The following POMT2 variants were observed in gnomAD, a reference collection of about 807,000 sequenced individuals.
POMT2 encodes protein O-mannosyltransferase 2.
Under a neutral mutation model 100.0 loss-of-function variants are expected in POMT2, and 75 were observed. That is an observed-to-expected ratio of 0.75 (90% CI 0.62 to 0.91). POMT2 has a LOEUF of 0.91. POMT2 is among the 40% of genes least tolerant of loss of function. The probability of loss-of-function intolerance (pLI) is 0.00; values close to 1 mark genes in which losing one functional copy is unlikely to be tolerated. For synonymous variants in POMT2, 378 were observed against 374.1 expected, an observed-to-expected ratio of 1.01 and a Z score of -0.12; for missense variants, 940 against 955.1, an observed-to-expected ratio of 0.98 and a Z score of 0.21.
Position 77,276,142 on chromosome 14 carries a change from G to T in POMT2, c.*1234C>A, listed in dbSNP as rs371339243. On this transcript the variant is annotated 3_prime_UTR_variant, in exon 21 of 21. Coordinates refer to ENST00000261534, the MANE Select transcript of POMT2 (RefSeq NM_013382.7). Reference sequence around the variant, plus strand: ...GAGGCAGGCTTAAGGGCTGGCCTTGGGTGGTTTGGTTCTACCACAGGGTTT... The same window carrying T: ...GAGGCAGGCTTAAGGGCTGGCCTTGTGTGGTTTGGTTCTACCACAGGGTTT... 6.6e-6 allele frequency: 1 copy of T among 152,636 alleles called. No homozygotes were observed. Among genetic ancestry groups the T allele is most frequent in the African/African-American group, 2.4e-5 (1 of 41,454 alleles). The allele number at this position is 152,636 out of a possible 1,614,324, so 9.5% of individuals were successfully genotyped here. A position where few individuals can be genotyped will look rare whatever the true frequency, so the allele number is the denominator to read the frequency against.
At position 77,306,461 on chromosome 14, in the gene POMT2, CA is replaced by C. The variant is rs1891233210; in HGVS notation, c.334-21del. 6.2e-7 allele frequency: 1 copy of C among 1,610,502 alleles called. No homozygotes were observed. The highest frequency in any genetic ancestry group is 8.5e-7 in the Non-Finnish European group (1 of 1,177,148). ...CAGCATCTGAGGAGAGAAGAACAAA[CA>C]AAAAGATGAGAAGCCTTTGGGAGAA... On this transcript the variant is annotated intron_variant, in intron 2 of 20. Transcript: ENST00000261534.
At position 77,306,419 on chromosome 14, in the gene POMT2, T is replaced by C; in HGVS notation, c.356A>G (p.Tyr119Cys). Residue 119 changes from tyrosine to cysteine, a missense_variant, in exon 3 of 21, where the codon TAC becomes TGC. Coordinates refer to ENST00000261534, the MANE Select transcript of POMT2 (RefSeq NM_013382.7). Reference sequence around the variant, plus strand: ...AAAGGTACCATCATATCCACTCAGGTAGCCAGCAAGACCTATCAGCATCTG... The same window carrying C: ...AAAGGTACCATCATATCCACTCAGGCAGCCAGCAAGACCTATCAGCATCTG... Reference protein sequence around the residue: ...LGKMLIGLAGYLSGYDGTFLF... With the variant: ...LGKMLIGLAGCLSGYDGTFLF... 1 of 1,612,836 alleles carries C rather than the reference T, an allele frequency of 6.2e-7. No homozygotes were observed. The highest frequency in any genetic ancestry group is 8.5e-7 in the Non-Finnish European group (1 of 1,178,950).
At chr14:77,279,327 T>C (rs1890113973) in intron 18 of POMT2, 1 of 367,818 alleles carries the variant, frequency 2.7e-6, no homozygotes, top group Non-Finnish European at 5.3e-6. Context: ...TCAGGTGCTG[T>C]GGCCCATGGT....
intron 9 of POMT2, among the ~76,000 whole-genome samples, chr14:77,294,632 A>G (rs1566652400): frequency 1.3e-5 from 2 of 152,214 alleles, no homozygotes; most frequent in Admixed American, 6.5e-5. Context: ...CATTTTTAAA[A>G]TGGGATTTTC....
At chr14:77,308,802 A>G (rs1241648630) in intron 2 of POMT2, 4 of 447,480 alleles carry the variant, frequency 8.9e-6, no homozygotes, top group African/African-American at 8.1e-5. Flanking sequence ...AAATGTGCAT[A>G]TTCTTCGATT....
chr14:77,303,101 T>A (rs1424885650), intron 4 of POMT2, among the ~76,000 whole-genome samples, 158 bp from the exon 5 acceptor site: 1 of 151,848 alleles, frequency 6.6e-6, no homozygotes, highest in Non-Finnish European at 1.5e-5. Context: ...ATCAGGGAGG[T>A]AGAAGGCCAC....
At chr14:77,302,002 C>T (rs950286510) in intron 5 of POMT2, among the ~76,000 whole-genome samples, 10 of 152,160 alleles carry the variant, frequency 6.6e-5, no homozygotes, top group African/African-American at 2.4e-4. Flanking sequence ...ACCTGGTACA[C>T]AGTATGTACT....
At chr14:77,299,352 C>T in intron 7 of POMT2, 103 bp downstream of exon 7, 1 of 1,005,940 alleles carries the variant, frequency 9.9e-7, no homozygotes, top group Non-Finnish European at 1.6e-6. Flanking sequence ...GGGTCCCTCA[C>T]CTATCATTTT....
At chr14:77,295,420 C>T (rs1193239760) in intron 9 of POMT2, among the ~76,000 whole-genome samples, 1 of 152,086 alleles carries the variant, frequency 6.6e-6, no homozygotes, top group Non-Finnish European at 1.5e-5. Flanking sequence ...ATCATGAGGT[C>T]AGGAGATCGA....
chr14:77,285,531 A>G lies in POMT2; in HGVS notation c.1434T>C (p.His478=). The change falls in exon 13 of 21, where the codon CAT becomes CAC. Residue 478 remains histidine, a synonymous_variant. Coordinates refer to ENST00000261534, the MANE Select transcript of POMT2 (RefSeq NM_013382.7). ...AGCCCAGGACACAACCTGTGACCAA[A>G]TGGATGAAGCGAATTCGACTTCTCA... ...KVLRSRIRFI[H]LVTGCVLGSS... 6.2e-7 allele frequency: 1 copy of G among 1,614,186 alleles called. No homozygotes were observed. The highest frequency in any genetic ancestry group is 1.6e-4 in the Middle Eastern group (1 of 6,062).
chr14:77,279,772 A>G, intron 18 of POMT2, 51 bp downstream of exon 18: 1 of 1,560,836 alleles, frequency 6.4e-7, no homozygotes. Context: ...CCAGGGGTGC[A>G]GGTGCCCTGC....
chr14:77,277,729 G>A (rs1181107310), intron 20 of POMT2, among the ~76,000 whole-genome samples: 2 of 152,240 alleles, frequency 1.3e-5, no homozygotes, highest in Admixed American at 6.5e-5. Context: ...CCTTCTAGGG[G>A]TCTTGTCATG....
intron 18 of POMT2, 66 bp from the exon 19 acceptor site, chr14:77,278,935 A>C (rs766351679): frequency 6.5e-7 from 1 of 1,548,340 alleles, no homozygotes; most frequent in Non-Finnish European, 8.8e-7. Context: ...GCTCTGGTCC[A>C]GCTCTGCCCC....
At chr14:77,278,557 C>G in intron 19 of POMT2, 49 bp from the exon 20 acceptor site, 4 of 1,450,078 alleles carry the variant, frequency 2.8e-6, no homozygotes, top group Non-Finnish European at 2.8e-6. Flanking sequence ...GGGGTGACTT[C>G]TGGGCTACAG....
chr14:77,285,283 CA>C, intron 13 of POMT2, 197 bp downstream of exon 13: 1 of 758,522 alleles, frequency 1.3e-6, no homozygotes, highest in South Asian at 1.8e-5. Flanking sequence ...GTTGAACTAT[CA>C]GAACACATAA....
intron 2 of POMT2, 101 bp downstream of exon 2, chr14:77,311,848 A>C: frequency 6.6e-7 from 1 of 1,510,396 alleles, no homozygotes; most frequent in Non-Finnish European, 8.9e-7. Flanking sequence ...TACAAGTCCC[A>C]AATTCTTTCT....
At position 77,311,986 on chromosome 14, in the gene POMT2, C is replaced by T. The variant is rs746579730; in HGVS notation, c.296G>A (p.Arg99His). ...FGKMGSYYIN[R>H]TFFFDVHPPL... ...CGGGTGCACATCAAAGAAAAATGTA[C>T]GGTTGATATAGTAACTTCCCATTTT... is the stretch of plus-strand genomic sequence containing the variant. The change falls in exon 2 of 21, where the codon CGT becomes CAT. Residue 99 changes from arginine to histidine, a missense_variant. Transcript: ENST00000261534. 6.2e-6 allele frequency: 10 copies of T among 1,613,858 alleles called. No individual in the cohort carries two copies. Among genetic ancestry groups the T allele is most frequent in the South Asian group, 2.2e-5 (2 of 91,070 alleles).
At position 77,283,892 on chromosome 14, in the gene POMT2, G is replaced by T. The variant is rs2140179800; in HGVS notation, c.1577-19C>A. 1 of 1,582,402 alleles carries T rather than the reference G, an allele frequency of 6.3e-7. No homozygotes were observed. The highest frequency in any genetic ancestry group is 8.7e-7 in the Non-Finnish European group (1 of 1,151,150). ...TTTGGCACTAGGGGAAAAAAATGCA[G>T]GAGAAAAGCCTTTGTCATACATTCT... On this transcript the variant is annotated intron_variant, in intron 14 of 20. Transcript: ENST00000261534.
intron 5 of POMT2, 90 bp from the exon 6 acceptor site, chr14:77,301,339 G>A: frequency 4.6e-6 from 7 of 1,534,870 alleles, no homozygotes; most frequent in Non-Finnish European, 5.4e-6. Flanking sequence ...CTCAGACTTG[G>A]AGCGGCTGTG....
Sources: gnomAD v4.1 joint callset for allele counts (sites outside exome capture counted in the v4.1 genomes callset) on GRCh38, gnomAD v4.1.1 for gene constraint, MANE v1.5 for transcripts, NCBI Gene and HGNC (gene_info 2026-07-23, HGNC 2026-07-21) for gene names.